Variants in RFX7 observed in about 807,000 individuals in gnomAD.
RFX7 encodes DNA-binding protein RFX7.
A neutral mutation model predicts 111.8 loss-of-function variants in RFX7; 26 were observed. The observed-to-expected ratio is 0.23, with a 90% CI of 0.17 to 0.32. The LOEUF (loss-of-function observed/expected upper bound fraction) is 0.32. Ranked by LOEUF, RFX7 falls within the 10% of genes least tolerant of loss-of-function variation. The pLI is 1.00. For synonymous variants in RFX7, 624 were observed against 624.4 expected, an observed-to-expected ratio of 1.00 and a Z score of 0.01; for missense variants, 1,573 against 1,772.9, an observed-to-expected ratio of 0.89 and a Z score of 2.02.
chr15:56,172,741 G>A (rs1175158339), intron 3 of RFX7, among the ~76,000 whole-genome samples: 1 of 152,214 alleles, frequency 6.6e-6, no homozygotes. Context: ...TTAGTAGCTT[G>A]AGCTAAAGAA....
chr15:56,163,781 AT>A (rs1372524439), intron 3 of RFX7, among the ~76,000 whole-genome samples: 3 of 152,164 alleles, frequency 2.0e-5, no homozygotes, highest in African/African-American at 7.2e-5. Flanking sequence ...GGCCGTTGTA[AT>A]GGCAGCTAAA....
intron 2 of RFX7, among the ~76,000 whole-genome samples, chr15:56,194,870 TAA>T (rs2043132854): frequency 6.6e-6 from 1 of 152,090 alleles, no homozygotes; most frequent in South Asian, 2.1e-4. Context: ...TTCAAAAAGC[TAA>T]AACAGAGAAT....
chr15:56,237,882 T>A (rs2043642620), intron 2 of RFX7, among the ~76,000 whole-genome samples: 1 of 152,170 alleles, frequency 6.6e-6, no homozygotes, highest in South Asian at 2.1e-4. Flanking sequence ...CTAGCCTCAA[T>A]ACGGATATGC....
At chr15:56,133,968 C>A (rs1225242079) in intron 5 of RFX7, among the ~76,000 whole-genome samples, 2 of 152,082 alleles carry the variant, frequency 1.3e-5, no homozygotes, top group Non-Finnish European at 2.9e-5. Flanking sequence ...CGTATACTAA[C>A]CATATGTAAA....
intron 2 of RFX7, among the ~76,000 whole-genome samples, chr15:56,233,072 C>T (rs112874525): frequency 1.3e-5 from 2 of 152,328 alleles, no homozygotes; most frequent in African/African-American, 2.4e-5. Context: ...CAGTGCCCCA[C>T]TCTACCAGTA....
chr15:56,139,709 C>T (rs1161341892), intron 5 of RFX7, among the ~76,000 whole-genome samples: 1 of 152,098 alleles, frequency 6.6e-6, no homozygotes, highest in Non-Finnish European at 1.5e-5. Flanking sequence ...TTAGAGTTTC[C>T]AGTTTTTCTG....
At chr15:56,117,592 T>A (rs150759585) in intron 5 of RFX7, among the ~76,000 whole-genome samples, 3 of 152,206 alleles carry the variant, frequency 2.0e-5, no homozygotes, top group African/African-American at 7.2e-5. Context: ...CCTATCTAGT[T>A]CTAATTTTGT....
intron 2 of RFX7, among the ~76,000 whole-genome samples, chr15:56,201,387 C>T (rs1202448148): frequency 6.6e-6 from 1 of 152,132 alleles, no homozygotes; most frequent in African/African-American, 2.4e-5. Context: ...TTCTCTTCCA[C>T]AAGGCAGTAA....
At position 56,087,672 on chromosome 15, in the gene RFX7, A is replaced by T; in HGVS notation, c.*5673T>A. 2.4e-6 allele frequency: 1 copy of T among 416,292 alleles called. No individual in the cohort carries two copies. Among genetic ancestry groups the T allele is most frequent in the Non-Finnish European group, 4.8e-6 (1 of 206,772 alleles). The allele number at this position is 416,292 out of a possible 1,614,324, so 25.8% of individuals were successfully genotyped here. On this transcript the variant is annotated 3_prime_UTR_variant, in exon 10 of 10. Coordinates refer to ENST00000559447, the MANE Select transcript of RFX7 (RefSeq NM_022841.7). The stretch of plus-strand genomic sequence containing the variant: ...TTTTACAGTAAAGAAGAAGGGGAGA[A>T]TGCATACTACTGGTAAGTATCCGCC...
intron 3 of RFX7, among the ~76,000 whole-genome samples, chr15:56,169,481 T>A (rs2042818590): frequency 6.6e-6 from 1 of 152,218 alleles, no homozygotes. Context: ...AAAGCTGCCA[T>A]GTGTGCTTAT....
chr15:56,154,050 TA>T (rs2042615735), intron 3 of RFX7, among the ~76,000 whole-genome samples: 1 of 152,002 alleles, frequency 6.6e-6, no homozygotes, highest in Non-Finnish European at 1.5e-5. Flanking sequence ...ACTAAGAGAA[TA>T]AAATACCTAG....
At chr15:56,164,998 G>A (rs34563216) in intron 3 of RFX7, among the ~76,000 whole-genome samples, 1,727 of 152,250 alleles carry the variant, frequency 0.011, 14 homozygotes, top group Non-Finnish European at 0.017. Flanking sequence ...GGATGGGGTG[G>A]GGATTATGGG....
intron 2 of RFX7, among the ~76,000 whole-genome samples, chr15:56,197,998 A>G (rs1005168389): frequency 6.6e-5 from 10 of 152,208 alleles, no homozygotes; most frequent in African/African-American, 2.4e-4. Flanking sequence ...CAGAATGTTC[A>G]AGAAAGCCTA....
At chr15:56,235,571 G>C (rs558466042) in intron 2 of RFX7, among the ~76,000 whole-genome samples, 1 of 152,176 alleles carries the variant, frequency 6.6e-6, no homozygotes, top group African/African-American at 2.4e-5. Context: ...ATCATAAATG[G>C]CAAGACAATA....
chr15:56,211,184 G>A (rs532669888), intron 2 of RFX7, among the ~76,000 whole-genome samples: 1 of 152,150 alleles, frequency 6.6e-6, no homozygotes, highest in East Asian at 1.9e-4. Flanking sequence ...TCACTGGTAA[G>A]TTCTACCAAA....
At chr15:56,191,246 T>C (rs1254805929) in intron 2 of RFX7, among the ~76,000 whole-genome samples, 9 of 152,216 alleles carry the variant, frequency 5.9e-5, no homozygotes, top group Non-Finnish European at 1.2e-4. Context: ...CAATAAATTA[T>C]AAGTTCCTAA....
chr15:56,218,305 T>C (rs1422299606), intron 2 of RFX7, among the ~76,000 whole-genome samples: 5 of 151,906 alleles, frequency 3.3e-5, no homozygotes, highest in African/African-American at 1.2e-4. Flanking sequence ...TAATGTTTTG[T>C]ATTTTTAGTA....
At position 56,095,715 on chromosome 15, in the gene RFX7, A is replaced by G; in HGVS notation, c.2013T>C (p.Pro671=). 6.2e-7 allele frequency: 1 copy of G among 1,613,944 alleles called. No homozygotes were observed. The highest frequency in any genetic ancestry group is 1.6e-4 in the Middle Eastern group (1 of 6,062). ...SSTLQETQVP[P]VKKPIVEQLS... ...GCTGTTCCACAATTGGTTTCTTTAC[A>G]GGAGGCACCTGGGTCTCCTGCAATG... is the stretch of plus-strand genomic sequence containing the variant. The change falls in exon 10 of 10, where the codon CCT becomes CCC. Residue 671 remains proline, a synonymous_variant. Coordinates refer to ENST00000559447, the MANE Select transcript of RFX7 (RefSeq NM_022841.7).
At chr15:56,233,378 G>A (rs1045923589) in intron 2 of RFX7, among the ~76,000 whole-genome samples, 3 of 152,254 alleles carry the variant, frequency 2.0e-5, no homozygotes, top group Admixed American at 1.3e-4. Context: ...CTGCCCCCAT[G>A]ATTCAATTAT....
Sources: allele counts gnomAD v4.1 joint callset (sites outside exome capture counted in the v4.1 genomes callset), GRCh38; gene constraint gnomAD v4.1.1; transcripts MANE v1.5; gene names NCBI Gene and HGNC (gene_info 2026-07-23, HGNC 2026-07-21).